The following NKAIN4 variants were observed in gnomAD, a reference collection of about 807,000 sequenced individuals.
NKAIN4 encodes the protein sodium/potassium transporting ATPase interacting 4.
A neutral mutation model predicts 28.8 loss-of-function variants in NKAIN4; 28 were observed. The observed-to-expected ratio is 0.97, with a 90% confidence interval of 0.72 to 1.33. The LOEUF (loss-of-function observed/expected upper bound fraction) is 1.33. NKAIN4 is among the 40% of genes most tolerant of loss of function. NKAIN4 has a pLI of 0.00. For missense variants in NKAIN4, 289 were observed against 277.2 expected, an observed-to-expected ratio of 1.04 and a Z score of -0.30; for synonymous variants, 122 against 115.6, an observed-to-expected ratio of 1.06 and a Z score of -0.36.
rs1227057153 is a variant in NKAIN4, at chr20:63,247,295, G to A, written c.471+283C>T. On this transcript the variant is annotated intron_variant, in intron 4 of 6. Transcript: ENST00000370316. Reference sequence around the variant, plus strand: ...GAGGCGGGGTGTCTCGGCCTGATCCGATTCCTTCCCACTCCCCACAGCAAA... The same window carrying A: ...GAGGCGGGGTGTCTCGGCCTGATCCAATTCCTTCCCACTCCCCACAGCAAA... The A allele has an allele frequency of 6.6e-6, 9 of 1,370,002 alleles. No homozygotes were observed. The Admixed American group carries it at 8.1e-5, about 12-fold the overall frequency. 84.9% of individuals were successfully genotyped at this position (1,370,002 alleles called of 1,614,324 possible). A position where few individuals can be genotyped will look rare whatever the true frequency, so the allele number is the denominator to read the frequency against.
Position 63,252,833 on chromosome 20 carries a change from T to C in NKAIN4, c.54+1564A>G, listed in dbSNP as rs2066984645. On this transcript the variant is annotated intron_variant, in intron 1 of 6. Transcript: ENST00000370316. This position sits in a 1 kb window ranked among gnomAD's most constrained non-coding sequence, Gnocchi z 4.6. ...CCACCGCAGAGGTGAAACGGGAACATGACCCCACCCGCCCCTCTGCACCCT... is the reference window on the plus strand; with the variant it reads ...CCACCGCAGAGGTGAAACGGGAACACGACCCCACCCGCCCCTCTGCACCCT... 6.6e-6 allele frequency among the ~76,000 whole-genome samples: 1 copy of C among 152,128 alleles called. No individual in the cohort carries two copies. The highest frequency in any genetic ancestry group is 6.5e-5 in the Admixed American group (1 of 15,276).
rs1171379481 is a variant in NKAIN4, at chr20:63,250,018, T to C, written c.109A>G (p.Ile37Val). Residue 37 changes from isoleucine (I) to valine (V), a missense_variant, in exon 2 of 7, where the codon ATC becomes GTC. Physicochemically the swap from Ile to Val is conservative, Grantham distance 29. Transcript: ENST00000370316. ...FDFLGYQWAPILANFVHIIIV... is the reference protein window; with the variant it reads ...FDFLGYQWAPVLANFVHIIIV... ...ATGATGTGGACAAAGTTGGCCAGGA[T>C]GGGCGCCCACTGGTAGCCCAGGAAG... 3 of 1,609,002 alleles carry C rather than the reference T, an allele frequency of 1.9e-6. No individual in the cohort carries two copies. The highest frequency in any genetic ancestry group is 3.4e-5 in the Admixed American group (2 of 59,426).
chr20:63,246,247 T>G (rs1227287931), intron 4 of NKAIN4, among the ~76,000 whole-genome samples: 2 of 152,162 alleles, frequency 1.3e-5, no homozygotes, highest in Middle Eastern at 3.2e-3. Flanking sequence ...TTCTGTTGCC[T>G]CCTCACAAAG....
intron 5 of NKAIN4, 41 bp from the exon 6 acceptor site, chr20:63,242,664 A>G (rs200917676): frequency 2.0e-6 from 3 of 1,470,138 alleles, no homozygotes; most frequent in Admixed American, 3.4e-5. Flanking sequence ...AACCTACACA[A>G]TGGAAAAGAT....
intron 1 of NKAIN4, chr20:63,253,266 G>A: frequency 3.0e-6 from 3 of 985,426 alleles, no homozygotes; most frequent in Middle Eastern, 5.2e-4. Context: ...TGGGCCCCCA[G>A]CCTGTTGCAG....
chr20:63,246,689 T>A, intron 4 of NKAIN4: 5 of 980,100 alleles, frequency 5.1e-6, no homozygotes, highest in Non-Finnish European at 6.0e-6. Flanking sequence ...TCGAGATCGG[T>A]CAGAAGTTCC....
chr20:63,252,954 C>T lies in NKAIN4; in HGVS notation c.54+1443G>A, dbSNP rs1213108120. On this transcript the variant is annotated intron_variant, in intron 1 of 6. Transcript: ENST00000370316. The surrounding 1 kb of genome is among the most constrained non-coding windows in gnomAD (Gnocchi z 4.6). ...CAAACCCCAGCACCATCAACCCCAG[C>T]ACATCCTCACACCACCTTCAACAGA... 1.3e-5 allele frequency among the ~76,000 whole-genome samples: 2 copies of T among 152,204 alleles called. No homozygotes were observed. Among genetic ancestry groups the T allele is most frequent in the Admixed American group, 1.3e-4 (2 of 15,284 alleles).
At position 63,245,033 on chromosome 20, in the gene NKAIN4, C is replaced by G. The variant is rs910014468; in HGVS notation, c.472-949G>C. Among the ~76,000 whole-genome samples the G allele has an allele frequency of 6.6e-6, 1 of 152,206 alleles. No homozygotes were observed. Among genetic ancestry groups the G allele is most frequent in the African/African-American group, 2.4e-5 (1 of 41,450 alleles). ...CAGCCCCCCGTGAAGGCCACCGTGC[C>G]CAGGAGAGGAGACAGGACACGCAGG... On this transcript the variant is annotated intron_variant, in intron 4 of 6. Transcript: ENST00000370316. The surrounding 1 kb of genome is among the most constrained non-coding windows in gnomAD (Gnocchi z 4.7).
chr20:63,254,169 C>A (rs2067011341), intron 1 of NKAIN4: 1 of 430,060 alleles, frequency 2.3e-6, no homozygotes, highest in Non-Finnish European at 4.0e-6. Flanking sequence ...CCCGCGGCCG[C>A]CCCCCGCGCA....
At chr20:63,253,893 C>A in intron 1 of NKAIN4, 1 of 155,170 alleles carries the variant, frequency 6.4e-6, no homozygotes, top group South Asian at 1.8e-4. Context: ...ACGTTCTCAC[C>A]CCCCGCCCCC....
Position 63,253,292 on chromosome 20 carries a change from C to T in NKAIN4, c.54+1105G>A, listed in dbSNP as rs964122300. ...CCTGTTGCAGGACCTCAGGTTATCTCCGCGGCCCCAGCGAGCCTCCCAGGA... is the reference window on the plus strand; with the variant it reads ...CCTGTTGCAGGACCTCAGGTTATCTTCGCGGCCCCAGCGAGCCTCCCAGGA... On this transcript the variant is annotated intron_variant, in intron 1 of 6. Coordinates refer to ENST00000370316, the MANE Select transcript of NKAIN4 (RefSeq NM_152864.4). 3.0e-6 allele frequency: 3 copies of T among 985,272 alleles called. No homozygotes were observed. The African/African-American group carries it at 5.2e-5, about 17-fold the overall frequency. The allele number at this position is 985,272 out of a possible 1,614,324, so 61.0% of individuals were successfully genotyped here.
At position 63,252,027 on chromosome 20, in the gene NKAIN4, G is replaced by C. The variant is rs1185732011; in HGVS notation, c.55-1955C>G. 6.6e-6 allele frequency among the ~76,000 whole-genome samples: 1 copy of C among 152,212 alleles called. No homozygotes were observed. Among genetic ancestry groups the C allele is most frequent in the Admixed American group, 6.5e-5 (1 of 15,288 alleles). On this transcript the variant is annotated intron_variant, in intron 1 of 6. Transcript: ENST00000370316. This position sits in a 1 kb window ranked among gnomAD's most constrained non-coding sequence, Gnocchi z 4.6. ...CCTACGCCGGGCACAGTTCTGTGAGGTCTGGGCTGGCGGCTGGGACAAGCT... is the reference window on the plus strand; with the variant it reads ...CCTACGCCGGGCACAGTTCTGTGAGCTCTGGGCTGGCGGCTGGGACAAGCT...
chr20:63,241,280 A>T lies in NKAIN4; in HGVS notation c.*217T>A. On this transcript the variant is annotated 3_prime_UTR_variant, in exon 7 of 7. Transcript: ENST00000370316. ...TTTTCTTTTCTTTTTTTTTTTTAAGAGAAAGGAAATTACAAACTCTCTTGA... is the reference window on the plus strand; with the variant it reads ...TTTTCTTTTCTTTTTTTTTTTTAAGTGAAAGGAAATTACAAACTCTCTTGA... 4 of 509,902 alleles carry T rather than the reference A, an allele frequency of 7.8e-6. No individual in the cohort carries two copies. The highest frequency in any genetic ancestry group is 2.8e-5 in the South Asian group (1 of 35,700). 31.6% of individuals were successfully genotyped at this position (509,902 alleles called of 1,614,324 possible).
intron 1 of NKAIN4, among the ~76,000 whole-genome samples, chr20:63,251,344 C>T (rs1004027540): frequency 1.3e-5 from 2 of 152,158 alleles, no homozygotes; most frequent in South Asian, 2.1e-4. Flanking sequence ...GTTAGGCCTC[C>T]GGATAACTGC....
Position 63,247,617 on chromosome 20 carries a change from A to G in NKAIN4, c.432T>C (p.Tyr144=), listed in dbSNP as rs1456827689. 2 of 1,547,662 alleles carry G rather than the reference A, an allele frequency of 1.3e-6. No homozygotes were observed. The highest frequency in any genetic ancestry group is 8.7e-7 in the Non-Finnish European group (1 of 1,145,502). The part of the protein sequence containing the change: ...SGAGCALEPS[Y]VEALHSCLQI... ...GCAGGCAACTGTGTAGGGCCTCCAC[A>G]TAGCTGGGCTCCAGGGCACAGCCAG... Residue 144 remains tyrosine, a synonymous_variant, in exon 4 of 7, where the codon TAT becomes TAC. Transcript: ENST00000370316.
At chr20:63,254,271 C>A in intron 1 of NKAIN4, 126 bp downstream of exon 1, 1 of 732,090 alleles carries the variant, frequency 1.4e-6, no homozygotes, top group Non-Finnish European at 2.0e-6. Flanking sequence ...CCGAGGCATC[C>A]CCCCTCGGAG....
In NKAIN4 at chr20:63,248,937, C is replaced by T. The variant is rs1351537665; in HGVS notation, c.193-42G>A. 6.0e-6 allele frequency: 8 copies of T among 1,340,638 alleles called. No individual in the cohort carries two copies. In the South Asian group the frequency reaches 9.4e-5, roughly 16 times the overall value. The allele number at this position is 1,340,638 out of a possible 1,614,324, so 83.0% of individuals were successfully genotyped here. On this transcript the variant is annotated intron_variant, in intron 2 of 6. Coordinates refer to ENST00000370316, the MANE Select transcript of NKAIN4 (RefSeq NM_152864.4). ...ATGGGGCGGCAGCTGAACACAGCTC[C>T]CGGGCACACCTGCTTGCATCCAGCC...
At chr20:63,250,695 G>A (rs532797518) in intron 1 of NKAIN4, among the ~76,000 whole-genome samples, 2 of 152,096 alleles carry the variant, frequency 1.3e-5, no homozygotes, top group South Asian at 2.1e-4. Context: ...GAACCAATGA[G>A]GGGGGGAGGG....
chr20:63,244,622 G>C (rs1209407106), intron 4 of NKAIN4: 2 of 453,264 alleles, frequency 4.4e-6, no homozygotes, highest in Non-Finnish European at 9.2e-6. Context: ...GCAGAGTTGG[G>C]GGCTGGCTGC....
Sources: gnomAD v4.1 joint callset for allele counts (sites outside exome capture counted in the v4.1 genomes callset) on GRCh38, gnomAD v4.1.1 for gene constraint, Gnocchi (gnomAD v3.1) non-coding constraint, MANE v1.5 for transcripts, NCBI Gene and HGNC (gene_info 2026-07-23, HGNC 2026-07-21) for gene names.